POLB: variants seen among roughly 807,000 people sequenced by gnomAD.
The protein encoded by POLB is 5'-dRP lyase.
Under a neutral mutation model 52.7 loss-of-function variants are expected in POLB, and 37 were observed. That is an observed-to-expected ratio of 0.70 (90% confidence interval 0.54 to 0.92). The LOEUF (loss-of-function observed/expected upper bound fraction) is 0.92, where lower values mean the gene tolerates loss of function less well. Ranked by LOEUF, POLB falls within the 40% of genes least tolerant of loss-of-function variation. POLB has a pLI of 0.00. For synonymous variants in POLB, 138 were observed against 131.3 expected, an observed-to-expected ratio of 1.05 and a Z score of -0.35; for missense variants, 313 against 400.8, an observed-to-expected ratio of 0.78 and a Z score of 1.87.
At chr8:42,367,925 A>G (rs1824142655) in intron 11 of POLB, among the ~76,000 whole-genome samples, 1 of 152,316 alleles carries the variant, frequency 6.6e-6, no homozygotes, top group Non-Finnish European at 1.5e-5. Flanking sequence ...GTAAGAATTC[A>G]AGGGACAATA....
intron 10 of POLB, among the ~76,000 whole-genome samples, chr8:42,361,921 A>G (rs1051114021): frequency 6.6e-6 from 1 of 152,250 alleles, no homozygotes; most frequent in East Asian, 1.9e-4. Context: ...TCATTTGATA[A>G]GATGAATTTT....
At chr8:42,364,295 A>G (rs1208133178) in intron 11 of POLB, among the ~76,000 whole-genome samples, 1 of 151,982 alleles carries the variant, frequency 6.6e-6, no homozygotes, top group East Asian at 1.9e-4. Flanking sequence ...GCTGTAGTGC[A>G]GTGGCGAAAC....
At chr8:42,370,269 T>G (rs3136806) in intron 13 of POLB, 16,616 of 402,260 alleles carry the variant, frequency 0.041, 186 homozygotes, top group African/African-American at 0.16. Flanking sequence ...GTTTTTTTTT[T>G]TTTTTTTTTT....
Position 42,338,611 on chromosome 8 carries a change from G to A in POLB, c.-14G>A. 1 of 1,613,412 alleles carries A rather than the reference G, an allele frequency of 6.2e-7. No homozygotes were observed. The highest frequency in any genetic ancestry group is 8.5e-7 in the Non-Finnish European group (1 of 1,179,318). ...TGGTTCTGAACACTCTGGGGTTCTC[G>A]GGTGCAGGCCGCCATGAGCAAACGG... On this transcript the variant is annotated 5_prime_UTR_variant, in exon 1 of 14. Transcript: ENST00000265421.
chr8:42,342,690 C>G lies in POLB; in HGVS notation c.120-2263C>G, dbSNP rs1262388635. Reference sequence around the variant, plus strand: ...GCACTAGGGGGTGGAAAGGCGGGAGCAATTTTTAAAAACTGATGTAGGGGC... The same window carrying G: ...GCACTAGGGGGTGGAAAGGCGGGAGGAATTTTTAAAAACTGATGTAGGGGC... On this transcript the variant is annotated intron_variant, in intron 2 of 13. Transcript: ENST00000265421. The G allele has an allele frequency of 6.3e-6, 3 of 475,790 alleles. No individual in the cohort carries two copies. The East Asian group carries it at 1.2e-4, about 19-fold the overall frequency. 29.5% of individuals were successfully genotyped at this position (475,790 alleles called of 1,614,324 possible). A position where few individuals can be genotyped will look rare whatever the true frequency, so the allele number is the denominator to read the frequency against.
chr8:42,344,210 T>TAATC (rs1271151178), intron 2 of POLB, among the ~76,000 whole-genome samples: 11 of 148,004 alleles, frequency 7.4e-5, no homozygotes, highest in African/African-American at 2.5e-4. Context: ...TTCACACCTG[T>TAATC]AATCCTAGCT....
At chr8:42,364,652 A>T (rs901589802) in intron 11 of POLB, among the ~76,000 whole-genome samples, 1 of 152,098 alleles carries the variant, frequency 6.6e-6, no homozygotes, top group Non-Finnish European at 1.5e-5. Flanking sequence ...GCTTTTGGAG[A>T]GTGGATGTGC....
At chr8:42,346,311 T>A (rs1193847013) in intron 3 of POLB, among the ~76,000 whole-genome samples, 1 of 152,206 alleles carries the variant, frequency 6.6e-6, no homozygotes, top group Non-Finnish European at 1.5e-5. Flanking sequence ...CCTCTGGAAT[T>A]TAAGAATTAA....
intron 11 of POLB, among the ~76,000 whole-genome samples, chr8:42,366,553 A>G (rs1824050788): frequency 6.6e-6 from 1 of 152,216 alleles, no homozygotes; most frequent in Admixed American, 6.5e-5. Context: ...TTAAAAAAAT[A>G]CCGTAGTTGA....
chr8:42,361,918 A>T (rs934003932), intron 10 of POLB, among the ~76,000 whole-genome samples: 3 of 152,210 alleles, frequency 2.0e-5, no homozygotes, highest in African/African-American at 7.2e-5. Flanking sequence ...GTTTCATTTG[A>T]TAAGATGAAT....
chr8:42,369,751 A>G, intron 12 of POLB, 98 bp from the exon 13 acceptor site: 3 of 742,626 alleles, frequency 4.0e-6, no homozygotes, highest in Non-Finnish European at 6.6e-6. Flanking sequence ...ACTTAGGCTT[A>G]TCTTTGGTAT....
At chr8:42,361,081 C>T (rs1256733342) in intron 9 of POLB, 1 of 681,888 alleles carries the variant, frequency 1.5e-6, no homozygotes, top group Non-Finnish European at 2.7e-6. Flanking sequence ...ATGCCAATTA[C>T]TGTTGTCATC....
intron 9 of POLB, among the ~76,000 whole-genome samples, chr8:42,358,099 G>A (rs531035405): frequency 3.3e-5 from 5 of 152,196 alleles, no homozygotes; most frequent in East Asian, 1.9e-4. Flanking sequence ...TACAACAACC[G>A]GGTTCATCAG....
At chr8:42,343,336 A>AT (rs1822344514) in intron 2 of POLB, among the ~76,000 whole-genome samples, 1 of 56,226 alleles carries the variant, frequency 1.8e-5, no homozygotes, top group Non-Finnish European at 5.2e-5. Context: ...AAAAAAAAAA[A>AT]AAAAAAAAAA....
chr8:42,350,369 C>T (rs1822902274), intron 5 of POLB, among the ~76,000 whole-genome samples: 1 of 152,140 alleles, frequency 6.6e-6, no homozygotes. Context: ...TTTCCTGCTC[C>T]AGCTTGGCCT....
rs1250046859 is a variant in POLB at position 42,339,080 on chromosome 8, G to A, written c.119+11G>A. 1.9e-6 allele frequency: 3 copies of A among 1,605,002 alleles called. No homozygotes were observed. Among genetic ancestry groups the A allele is most frequent in the Non-Finnish European group, 1.7e-6 (2 of 1,171,768 alleles). On this transcript the variant is annotated intron_variant, in intron 2 of 13. Transcript: ENST00000265421. ...GTACAATGCTTACAGGTGGGACAGT[G>A]CAGCATTCTCGGGTAGCATACGTTC...
intron 2 of POLB, among the ~76,000 whole-genome samples, chr8:42,340,760 A>C (rs1237056045): frequency 6.6e-6 from 1 of 151,680 alleles, no homozygotes; most frequent in Non-Finnish European, 1.5e-5. Flanking sequence ...TTCCATTCCC[A>C]CTCCACACAG....
rs1822866556 is a variant in POLB, at chr8:42,349,912, T to C, written c.262-95T>C. 27 of 848,290 alleles carry C rather than the reference T, an allele frequency of 3.2e-5. No individual in the cohort carries two copies. The South Asian group carries it at 3.8e-4, about 12-fold the overall frequency. The allele number at this position is 848,290 out of a possible 1,614,324, so 52.5% of individuals were successfully genotyped here. A position where few individuals can be genotyped will look rare whatever the true frequency, so the allele number is the denominator to read the frequency against. On this transcript the variant is annotated intron_variant, in intron 4 of 13. Transcript: ENST00000265421. The stretch of plus-strand genomic sequence containing the variant: ...TCACCCAGGCAAATGTAAATAGCTC[T>C]TCATGTCTTTTAGCAGACTGGTATG...
intron 9 of POLB, 21 bp downstream of exon 9, chr8:42,357,413 G>T: frequency 7.3e-7 from 1 of 1,371,798 alleles, no homozygotes; most frequent in South Asian, 1.2e-5. Context: ...TCCTAATCTT[G>T]GGTTATTTTT....
Sources: allele counts gnomAD v4.1 joint callset (sites outside exome capture counted in the v4.1 genomes callset), GRCh38; gene constraint gnomAD v4.1.1; transcripts MANE v1.5; gene names NCBI Gene and HGNC (gene_info 2026-07-23, HGNC 2026-07-21).